CDH23: variants seen among roughly 807,000 people sequenced by gnomAD.
CDH23 encodes the protein cadherin-23.
In CDH23, 189 loss-of-function variants were observed where a neutral mutation model predicts 317.1. The observed-to-expected ratio is 0.60, with a 90% CI of 0.53 to 0.67. The LOEUF (loss-of-function observed/expected upper bound fraction) is 0.67. Ranked by LOEUF, CDH23 falls within the 30% of genes least tolerant of loss-of-function variation. The pLI is 0.00. For synonymous variants in CDH23, 1,839 were observed against 1,876.8 expected, an observed-to-expected ratio of 0.98 and a Z score of 0.52; for missense variants, 4,401 against 4,592.4, an observed-to-expected ratio of 0.96 and a Z score of 1.20.
At position 71,760,771 on chromosome 10, in the gene CDH23, T is replaced by C. The variant is rs1589404847; in HGVS notation, c.4846-16909T>C. On this transcript the variant is annotated intron_variant, in intron 38 of 69. Transcript: ENST00000224721. The stretch of plus-strand genomic sequence containing the variant: ...GGAGGACCGGGGGGTTCTGAGGGCT[T>C]GGGGTGATGAGGCCAGAGTTCCAAA... The C allele has an allele frequency of 6.0e-6, 7 of 1,158,450 alleles. No individual in the cohort carries two copies. The East Asian group carries it at 1.6e-4, about 27-fold the overall frequency. The allele number at this position is 1,158,450 out of a possible 1,614,324, so 71.8% of individuals were successfully genotyped here.
intron 30 of CDH23, among the ~76,000 whole-genome samples, chr10:71,729,822 A>G (rs1839300874): frequency 6.6e-6 from 1 of 151,796 alleles, no homozygotes; most frequent in African/African-American, 2.4e-5. Flanking sequence ...TGGAGTGTGA[A>G]CTATTTTATT....
intron 3 of CDH23, among the ~76,000 whole-genome samples, chr10:71,447,771 C>T (rs997984588): frequency 2.0e-5 from 3 of 152,142 alleles, no homozygotes; most frequent in Non-Finnish European, 4.4e-5. Flanking sequence ...GCTGTTTGCT[C>T]CCCTTTGGAT....
rs1865933520 is a variant in CDH23 at position 71,710,506 on chromosome 10, A to G, written c.3220+1295A>G. Among the ~76,000 whole-genome samples, 6 of 152,256 alleles carry G rather than the reference A, an allele frequency of 3.9e-5. No homozygotes were observed. In the South Asian group the frequency reaches 1.0e-3, roughly 26 times the overall value. Reference sequence around the variant, plus strand: ...CCAGCAGGGCCTGCTGGTGAGGTGGATGGCTACAGGCTGAATCCAGCCTAG... The same window carrying G: ...CCAGCAGGGCCTGCTGGTGAGGTGGGTGGCTACAGGCTGAATCCAGCCTAG... On this transcript the variant is annotated intron_variant, in intron 27 of 69. Coordinates refer to ENST00000224721, the MANE Select transcript of CDH23 (RefSeq NM_022124.6).
intron 32 of CDH23, 46 bp downstream of exon 32, chr10:71,732,421 A>C: frequency 1.3e-6 from 2 of 1,549,764 alleles, no homozygotes; most frequent in Non-Finnish European, 8.7e-7. Flanking sequence ...AATCTAACCA[A>C]CATTGGTTGA....
intron 34 of CDH23, among the ~76,000 whole-genome samples, chr10:71,736,168 G>A (rs760619565): frequency 1.3e-5 from 2 of 152,234 alleles, no homozygotes; most frequent in Non-Finnish European, 2.9e-5. Flanking sequence ...CTGTGCCCCT[G>A]TATTTCCACA....
intron 6 of CDH23, among the ~76,000 whole-genome samples, chr10:71,528,621 AG>A (rs1193060405): frequency 6.6e-6 from 1 of 152,266 alleles, no homozygotes; most frequent in African/African-American, 2.4e-5. Context: ...CCAGCGCGAT[AG>A]GAGTGATTGA....
At chr10:71,399,233 G>A (rs911394407) in intron 1 of CDH23, among the ~76,000 whole-genome samples, 1 of 152,216 alleles carries the variant, frequency 6.6e-6, no homozygotes, top group Admixed American at 6.5e-5. Context: ...GACATGCAGC[G>A]TCGGCATCAC....
At chr10:71,454,397 T>C (rs945178359) in intron 3 of CDH23, among the ~76,000 whole-genome samples, 1 of 152,250 alleles carries the variant, frequency 6.6e-6, no homozygotes, top group African/African-American at 2.4e-5. Context: ...GAAACTTTAA[T>C]GTGTCAGACA....
intron 8 of CDH23, among the ~76,000 whole-genome samples, chr10:71,577,524 G>A (rs902425325): frequency 2.0e-5 from 3 of 152,180 alleles, no homozygotes; most frequent in Non-Finnish European, 4.4e-5. Context: ...TAAGGTGGAG[G>A]GAAAGTGAGG....
intron 2 of CDH23, among the ~76,000 whole-genome samples, chr10:71,444,676 C>T (rs1370801290): frequency 1.3e-5 from 2 of 152,196 alleles, no homozygotes; most frequent in Non-Finnish European, 2.9e-5. Context: ...AGTCTCCCAG[C>T]TCTGCCTGGT....
At chr10:71,645,678 C>A in intron 12 of CDH23, 153 bp from the exon 13 acceptor site, 1 of 873,880 alleles carries the variant, frequency 1.1e-6, no homozygotes, top group Non-Finnish European at 1.9e-6. Flanking sequence ...TGGAGCTGCT[C>A]TGGGAAAGCC....
Position 71,800,719 on chromosome 10 carries a change from G to A in CDH23, c.7446G>A (p.Gly2482=). 1.9e-6 allele frequency: 3 copies of A among 1,613,988 alleles called. No individual in the cohort carries two copies. The highest frequency in any genetic ancestry group is 2.5e-6 in the Non-Finnish European group (3 of 1,179,892). ...ILTALAKDNP[G]DVASNRRENS... ...CTGCCTTGGCCAAAGACAACCCTGG[G>A]GATGTAGCCAGCAACCGTCGCGAAA... Residue 2482 remains glycine (G), a synonymous_variant, in exon 53 of 70, where the codon GGG becomes GGA. Transcript: ENST00000224721.
At chr10:71,763,300 G>T (rs934227145) in intron 38 of CDH23, among the ~76,000 whole-genome samples, 2 of 152,180 alleles carry the variant, frequency 1.3e-5, no homozygotes, top group African/African-American at 4.8e-5. Flanking sequence ...GACCCACTAC[G>T]CCCGGCCAGT....
At chr10:71,660,393 T>TG (rs1863599435) in intron 14 of CDH23, among the ~76,000 whole-genome samples, 3 of 152,194 alleles carry the variant, frequency 2.0e-5, no homozygotes. Context: ...AGTATACAGA[T>TG]GACCAGCCTT....
chr10:71,720,679 A>G (rs1251472143), intron 28 of CDH23, among the ~76,000 whole-genome samples: 1 of 152,186 alleles, frequency 6.6e-6, no homozygotes, highest in African/African-American at 2.4e-5. Flanking sequence ...GCCCTTGCCC[A>G]TAAAAAGAGG....
intron 48 of CDH23, 100 bp from the exon 49 acceptor site, chr10:71,797,004 C>G: frequency 1.4e-6 from 1 of 736,586 alleles, no homozygotes; most frequent in Non-Finnish European, 2.4e-6. Flanking sequence ...GGACCGTCAT[C>G]CTTTGTGGGG....
chr10:71,494,860 A>G (rs1161543530), intron 3 of CDH23, among the ~76,000 whole-genome samples: 2 of 152,172 alleles, frequency 1.3e-5, no homozygotes, highest in African/African-American at 4.8e-5. Flanking sequence ...CTCTGGTAGG[A>G]TGAGAGAGAC....
At chr10:71,438,223 A>G (rs1181679234) in intron 1 of CDH23, among the ~76,000 whole-genome samples, 1 of 84,496 alleles carries the variant, frequency 1.2e-5, no homozygotes, top group African/African-American at 3.5e-5. Context: ...CGCACCTGTA[A>G]TCCCAGCTAC....
intron 38 of CDH23, chr10:71,752,117 C>G (rs759010047): frequency 4.7e-6 from 3 of 642,416 alleles, no homozygotes; most frequent in Non-Finnish European, 5.7e-6. Context: ...GTCTGACCAT[C>G]AACCCCGGGC....
Sources: gnomAD v4.1 joint callset for allele counts (sites outside exome capture counted in the v4.1 genomes callset) on GRCh38, gnomAD v4.1.1 for gene constraint, MANE v1.5 for transcripts, NCBI Gene and HGNC (gene_info 2026-07-23, HGNC 2026-07-21) for gene names.